ERC2: variants seen among roughly 807,000 people sequenced by gnomAD.
The protein encoded by ERC2 is ERC protein 2.
Under a neutral mutation model 114.8 loss-of-function variants are expected in ERC2, and 42 were observed. That is an observed-to-expected ratio of 0.37 (90% CI 0.29 to 0.47). The LOEUF is 0.47. Among genes scored for constraint, ERC2 ranks in the 20% least tolerant of loss-of-function variants. The probability of loss-of-function intolerance (pLI) is 0.99; values close to 1 mark genes in which losing one functional copy is unlikely to be tolerated. For synonymous variants in ERC2, 454 were observed against 425.5 expected, an observed-to-expected ratio of 1.07 and a Z score of -0.82; for missense variants, 939 against 1,150.7, an observed-to-expected ratio of 0.82 and a Z score of 2.66.
intron 13 of ERC2, among the ~76,000 whole-genome samples, chr3:55,898,815 A>C (rs139323916): frequency 1.3e-5 from 2 of 152,334 alleles, no homozygotes; most frequent in East Asian, 3.9e-4. Flanking sequence ...TAACAAACCA[A>C]ATTAATCATA....
intron 1 of ERC2, among the ~76,000 whole-genome samples, chr3:56,447,555 G>T (rs1244141030): frequency 6.6e-6 from 1 of 151,924 alleles, no homozygotes; most frequent in South Asian, 2.1e-4. Context: ...CTGGGAGCAA[G>T]GGTTGTTTAT....
chr3:55,628,179 G>A (rs531036157), intron 17 of ERC2, among the ~76,000 whole-genome samples: 31 of 63,726 alleles, frequency 4.9e-4, no homozygotes, highest in African/African-American at 2.3e-3. Context: ...CCTGGACAAT[G>A]ATTAGACTAC....
At chr3:56,252,565 G>C (rs1316833855) in intron 3 of ERC2, among the ~76,000 whole-genome samples, 1 of 152,038 alleles carries the variant, frequency 6.6e-6, no homozygotes, top group African/African-American at 2.4e-5. Context: ...GACCAGCCTG[G>C]CCAACATGGA....
intron 13 of ERC2, among the ~76,000 whole-genome samples, chr3:55,921,850 C>T (rs1463227879): frequency 1.3e-5 from 2 of 152,088 alleles, no homozygotes; most frequent in Non-Finnish European, 2.9e-5. Flanking sequence ...GTTGGTTAAT[C>T]AATTCTTTCA....
chr3:56,074,432 G>GAAATGC (rs1205780198), intron 7 of ERC2, among the ~76,000 whole-genome samples: 2 of 152,100 alleles, frequency 1.3e-5, no homozygotes, highest in East Asian at 3.9e-4. Flanking sequence ...TATTTGCATG[G>GAAATGC]AAATGCAAAT....
chr3:56,266,771 G>T (rs746110791), intron 3 of ERC2, among the ~76,000 whole-genome samples: 5 of 152,168 alleles, frequency 3.3e-5, no homozygotes, highest in Non-Finnish European at 4.4e-5. Flanking sequence ...GGTAACAAAT[G>T]TTGGCAAGGA....
chr3:56,408,355 C>CA (rs1463234298), intron 2 of ERC2, among the ~76,000 whole-genome samples: 4 of 152,142 alleles, frequency 2.6e-5, no homozygotes, highest in Non-Finnish European at 5.9e-5. Flanking sequence ...CCCAAGGACA[C>CA]AGAGCTGAAG....
At chr3:56,218,443 C>A (rs1436885468) in intron 3 of ERC2, among the ~76,000 whole-genome samples, 1 of 152,086 alleles carries the variant, frequency 6.6e-6, no homozygotes, top group African/African-American at 2.4e-5. Flanking sequence ...CAATGAGATA[C>A]CATCTCACAC....
chr3:56,191,502 G>T (rs1245107712), intron 3 of ERC2, among the ~76,000 whole-genome samples: 3 of 152,126 alleles, frequency 2.0e-5, no homozygotes, highest in Admixed American at 2.0e-4. Context: ...AACTCCATGA[G>T]ATCCTGCAAT....
At chr3:55,724,476 G>A (rs900341911) in intron 15 of ERC2, among the ~76,000 whole-genome samples, 1 of 152,160 alleles carries the variant, frequency 6.6e-6, no homozygotes, top group Non-Finnish European at 1.5e-5. Flanking sequence ...TCCCATTTGG[G>A]CTCTGGTTCC....
At chr3:56,179,479 G>T (rs2083167467) in intron 3 of ERC2, among the ~76,000 whole-genome samples, 1 of 152,166 alleles carries the variant, frequency 6.6e-6, no homozygotes, top group African/African-American at 2.4e-5. Flanking sequence ...TTTCGGGGTG[G>T]TGGTGATAAG....
At chr3:55,925,533 G>A (rs1373580878) in intron 13 of ERC2, among the ~76,000 whole-genome samples, 2 of 152,154 alleles carry the variant, frequency 1.3e-5, no homozygotes, top group Non-Finnish European at 2.9e-5. Flanking sequence ...AGACAGAAAG[G>A]AACTAAGGGT....
In ERC2 at chr3:55,744,854, G is replaced by A. The variant is rs549014764; in HGVS notation, c.2565-9936C>T. On this transcript the variant is annotated intron_variant, in intron 14 of 17. Coordinates refer to ENST00000288221, the MANE Select transcript of ERC2 (RefSeq NM_015576.3). Reference sequence around the variant, plus strand: ...CAACTTGCAGTCAAGACCCTCTACCGGTAACCGGATCATCGTGAGAATTAA... The same window carrying A: ...CAACTTGCAGTCAAGACCCTCTACCAGTAACCGGATCATCGTGAGAATTAA... Among the ~76,000 whole-genome samples, 7 of 152,260 alleles carry A rather than the reference G, an allele frequency of 4.6e-5. No individual in the cohort carries two copies. In the East Asian group the frequency reaches 5.8e-4, roughly 13 times the overall value.
chr3:55,539,580 A>G (rs2054250764), intron 17 of ERC2, among the ~76,000 whole-genome samples: 1 of 150,914 alleles, frequency 6.6e-6, no homozygotes, highest in Non-Finnish European at 1.5e-5. Context: ...CTGCCACCAT[A>G]CCAGGCTGAT....
intron 4 of ERC2, among the ~76,000 whole-genome samples, chr3:56,158,808 G>GT (rs11440217): frequency 0.23 from 35,090 of 150,092 alleles, 4,709 homozygotes; most frequent in East Asian, 0.49. Flanking sequence ...TAACAAACTT[G>GT]TTTTTTTTCA....
At chr3:56,053,977 G>A (rs913645980) in intron 7 of ERC2, among the ~76,000 whole-genome samples, 16 of 151,722 alleles carry the variant, frequency 1.1e-4, no homozygotes, top group East Asian at 7.8e-4. Flanking sequence ...CCCCCACCCC[G>A]AATAGGCTGA....
At chr3:55,908,287 C>T (rs531593523) in intron 13 of ERC2, among the ~76,000 whole-genome samples, 1 of 152,286 alleles carries the variant, frequency 6.6e-6, no homozygotes, top group Admixed American at 6.5e-5. Context: ...TTGAACTACA[C>T]ACATTATAGG....
intron 17 of ERC2, among the ~76,000 whole-genome samples, chr3:55,588,595 T>C (rs558662235): frequency 4.1e-4 from 62 of 152,280 alleles, no homozygotes; most frequent in Non-Finnish European, 7.8e-4. Flanking sequence ...AGTCAGAAGA[T>C]GGGAAACATT....
intron 14 of ERC2, among the ~76,000 whole-genome samples, chr3:55,742,138 G>C (rs2066001185): frequency 6.6e-6 from 1 of 151,348 alleles, no homozygotes; most frequent in South Asian, 2.1e-4. Flanking sequence ...AAACAAAACA[G>C]GGCTGAAGGG....
Sources: allele counts gnomAD v4.1 joint callset (sites outside exome capture counted in the v4.1 genomes callset), GRCh38; gene constraint gnomAD v4.1.1; transcripts MANE v1.5; gene names NCBI Gene and HGNC (gene_info 2026-07-23, HGNC 2026-07-21).